Variants in IARS2 observed in about 807,000 individuals in gnomAD.
IARS2 encodes isoleucine--tRNA ligase, mitochondrial.
In IARS2, 56 loss-of-function variants were observed where a neutral mutation model predicts 126.3. The ratio of observed to expected loss-of-function variants is 0.44; its 90% CI spans 0.36 to 0.55. The LOEUF (loss-of-function observed/expected upper bound fraction) is 0.55. Among genes scored for constraint, IARS2 ranks in the 20% least tolerant of loss-of-function variants. The pLI is 0.00. For synonymous variants in IARS2, 407 were observed against 441.1 expected, an observed-to-expected ratio of 0.92 and a Z score of 0.97; for missense variants, 1,127 against 1,245.9, an observed-to-expected ratio of 0.90 and a Z score of 1.44.
rs750583631 is a variant in IARS2 at position 220,112,555 on chromosome 1, C to CT, written c.1479+1639dup. On this transcript the variant is annotated intron_variant, in intron 11 of 22. Transcript: ENST00000366922. ...AGCACATATATTTGAAAGATAAGCTCTTTTTTTTTTTTTTTTTTTTTGAAA... is the reference window on the plus strand; with the variant it reads ...AGCACATATATTTGAAAGATAAGCTCTTTTTTTTTTTTTTTTTTTTTTGAAA... 7.9e-3 allele frequency among the ~76,000 whole-genome samples: 916 copies of CT among 116,056 alleles called. 6 individuals are homozygous for CT. Among genetic ancestry groups the CT allele is most frequent in the East Asian group, 0.013 (53 of 4,076 alleles). The allele number at this position is 116,056 out of a possible 152,430, so 76.1% of individuals were successfully genotyped here.
In IARS2 at chr1:220,125,937, T is replaced by G. The variant is rs182789397; in HGVS notation, c.1743+598T>G. 3.5e-3 allele frequency among the ~76,000 whole-genome samples: 529 copies of G among 150,118 alleles called. 5 individuals are homozygous for G. The highest frequency in any genetic ancestry group is 0.012 in the African/African-American group (491 of 40,682). On this transcript the variant is annotated intron_variant, in intron 13 of 22. Transcript: ENST00000366922. ...CTGGCTAATACAGTGAAACCCTGCC[T>G]CTACTAAAAATACAAAAAAATTAGC...
At chr1:220,124,115 T>C (rs745629422) in intron 12 of IARS2, among the ~76,000 whole-genome samples, 11 of 152,218 alleles carry the variant, frequency 7.2e-5, no homozygotes, top group Non-Finnish European at 1.5e-4. Context: ...ATCCATGCTC[T>C]TGGCCATTAT....
intron 13 of IARS2, 33 bp from the exon 14 acceptor site, chr1:220,126,717 T>G (rs1367050226): frequency 6.7e-7 from 1 of 1,491,006 alleles, no homozygotes; most frequent in Non-Finnish European, 9.3e-7. Flanking sequence ...GTGATCTTTG[T>G]GTACCTGACA....
intron 10 of IARS2, among the ~76,000 whole-genome samples, chr1:220,107,957 G>C (rs1189335869): frequency 6.6e-6 from 1 of 152,164 alleles, no homozygotes; most frequent in African/African-American, 2.4e-5. Context: ...GATGTGCAGT[G>C]GCATGCTTTC....
In IARS2 at chr1:220,139,000, A is replaced by G. The variant is rs199738095; in HGVS notation, c.2176-8A>G. ...TTTTAACTGCATATTTTTTCTTCCT[A>G]TGAATAGCTTAGGAATACACTTCGC... On this transcript the variant is annotated splice_region_variant and splice_polypyrimidine_tract_variant and intron_variant, in intron 17 of 22. Transcript: ENST00000366922. 6.9e-6 allele frequency: 11 copies of G among 1,603,282 alleles called. No individual in the cohort carries two copies. The highest frequency in any genetic ancestry group is 4.5e-5 in the East Asian group (2 of 44,778).
At chr1:220,145,467 CA>C in intron 21 of IARS2, 41 bp from the exon 22 acceptor site, 1 of 1,555,458 alleles carries the variant, frequency 6.4e-7, no homozygotes, top group African/African-American at 1.4e-5. Context: ...GTTTATGGTA[CA>C]AATTTAACAT....
chr1:220,107,073 G>A lies in IARS2; in HGVS notation c.1249G>A (p.Asp417Asn). The change falls in exon 10 of 23, where the codon GAC (aspartate) becomes AAC (asparagine). Residue 417 changes from aspartate (D) to asparagine (N), a missense_variant. Coordinates refer to ENST00000366922, the MANE Select transcript of IARS2 (RefSeq NM_018060.4). ...TGATACTTTATAGGATTGTCTAGTG[G>A]ACGAAGATGGAGTTTTCACAGATGT... The part of the protein sequence containing the change: ...QHNLPMDCLV[D>N]EDGVFTDVAG... The A allele has an allele frequency of 6.2e-7, 1 of 1,609,484 alleles. No individual in the cohort carries two copies. The highest frequency in any genetic ancestry group is 8.5e-7 in the Non-Finnish European group (1 of 1,175,826).
chr1:220,103,539 T>A lies in IARS2; in HGVS notation c.1043T>A (p.Phe348Tyr). 6.2e-7 allele frequency: 1 copy of A among 1,609,992 alleles called. No individual in the cohort carries two copies. The highest frequency in any genetic ancestry group is 8.5e-7 in the Non-Finnish European group (1 of 1,176,344). ...ASVASTLETT[F>Y]ETISTLSGVD... ...GTTGCTTCTACTTTGGAAACAACAT[T>A]TGAGACTATTTCAACACTTTCAGGT... The change falls in exon 8 of 23, where the codon TTT (phenylalanine) becomes TAT (tyrosine). Residue 348 changes from phenylalanine (F) to tyrosine (Y), a missense_variant. Coordinates refer to ENST00000366922, the MANE Select transcript of IARS2 (RefSeq NM_018060.4).
At position 220,145,644 on chromosome 1, in the gene IARS2, A is replaced by C; in HGVS notation, c.2887A>C (p.Asn963His). The C allele has an allele frequency of 2.5e-6, 4 of 1,612,124 alleles. No individual in the cohort carries two copies. Among genetic ancestry groups the C allele is most frequent in the Non-Finnish European group, 3.4e-6 (4 of 1,178,766 alleles). Reference protein sequence around the residue: ...VIELKGKFLINLEGGDIREES... With the variant: ...VIELKGKFLIHLEGGDIREES... The stretch of plus-strand genomic sequence containing the variant: ...CGAGCTTAAAGGGAAATTCCTCATC[A>C]ACTTAGAAGGTAAGAAGGAGATGAA... The change falls in exon 22 of 23, where the codon AAC (asparagine) becomes CAC (histidine). Residue 963 changes from asparagine to histidine, a missense_variant. Physicochemically the swap from Asn to His is moderately conservative, Grantham distance 68. Coordinates refer to ENST00000366922, the MANE Select transcript of IARS2 (RefSeq NM_018060.4).
chr1:220,102,363 G>C lies in IARS2; in HGVS notation c.700G>C (p.Gly234Arg). 1 of 1,613,526 alleles carries C rather than the reference G, an allele frequency of 6.2e-7. No individual in the cohort carries two copies. Among genetic ancestry groups the C allele is most frequent in the East Asian group, 2.2e-5 (1 of 44,840 alleles). ...LRTFYQMYDK[G>R]LVYRSYKPVF... ...AACATCATATTTTTGTCTTTTATAGGGCTTGGTTTATCGATCTTACAAACC... is the reference window on the plus strand; with the variant it reads ...AACATCATATTTTTGTCTTTTATAGCGCTTGGTTTATCGATCTTACAAACC... Residue 234 changes from glycine to arginine, a missense_variant and splice_region_variant, in exon 5 of 23, where the codon GGC becomes CGC. Coordinates refer to ENST00000366922, the MANE Select transcript of IARS2 (RefSeq NM_018060.4).
At chr1:220,100,696 A>C (rs750027631) in intron 3 of IARS2, 47 bp downstream of exon 3, 1 of 1,453,988 alleles carries the variant, frequency 6.9e-7, no homozygotes, top group South Asian at 1.2e-5. Context: ...GTAAACACTC[A>C]GGTCCTTGAA....
At chr1:220,100,678 T>G in intron 3 of IARS2, 29 bp downstream of exon 3, 1 of 1,558,340 alleles carries the variant, frequency 6.4e-7, no homozygotes, top group Non-Finnish European at 8.8e-7. Context: ...TGTTTTAAAA[T>G]GATATTTGTA....
rs1472113954 is a variant in IARS2, at chr1:220,106,030, C to T, written c.1206C>T (p.Tyr402=). The change falls in exon 9 of 23, where the codon TAC becomes TAT. Residue 402 remains tyrosine, a synonymous_variant. Transcript: ENST00000366922. The part of the protein sequence containing the change: ...HTAPAHGMED[Y]GVASQHNLPM... ...CCCCAGCTCATGGTATGGAAGACTA[C>T]GGTGTAGCGTCTCAGCACAACCTGC... The T allele has an allele frequency of 7.4e-6, 12 of 1,613,876 alleles. No individual in the cohort carries two copies. Among genetic ancestry groups the T allele is most frequent in the Middle Eastern group, 3.3e-4 (2 of 6,084 alleles).
At chr1:220,143,819 G>C in intron 21 of IARS2, 1 of 478,310 alleles carries the variant, frequency 2.1e-6, no homozygotes, top group Non-Finnish European at 3.6e-6. Context: ...GATTTTTAGG[G>C]GTTGATTGGC....
intron 12 of IARS2, among the ~76,000 whole-genome samples, chr1:220,122,589 A>G (rs1657071582): frequency 6.6e-6 from 1 of 152,236 alleles, no homozygotes; most frequent in African/African-American, 2.4e-5. Flanking sequence ...GCTTAGCTTC[A>G]TAATTTAAGG....
chr1:220,094,926 C>G (rs552634373), intron 1 of IARS2, among the ~76,000 whole-genome samples: 19 of 152,024 alleles, frequency 1.2e-4, no homozygotes, highest in African/African-American at 4.6e-4. Context: ...TCGCTTGAGC[C>G]AAGAGTTCGA....
intron 14 of IARS2, among the ~76,000 whole-genome samples, chr1:220,127,805 A>G (rs1657183781): frequency 6.6e-6 from 1 of 152,202 alleles, no homozygotes; most frequent in African/African-American, 2.4e-5. Context: ...ATTCATGTTT[A>G]CTCTCTATTA....
chr1:220,099,211 CAAA>C (rs1184799314), intron 2 of IARS2, among the ~76,000 whole-genome samples: 2 of 49,260 alleles, frequency 4.1e-5, no homozygotes, highest in Non-Finnish European at 8.5e-5. Context: ...GACTCCGTCT[CAAA>C]AAAAAAAAAA....
In IARS2 at chr1:220,133,825, A is replaced by G. The variant is rs77037434; in HGVS notation, c.1838-577A>G. 3.9e-3 allele frequency among the ~76,000 whole-genome samples: 599 copies of G among 152,262 alleles called. 34 individuals are homozygous for G. In the East Asian group the frequency reaches 0.1, roughly 26 times the overall value. Reference sequence around the variant, plus strand: ...ATCTTTTATCTCAATATTTTAGTATATATTTCCCCAAAACATGGATAGTCT... The same window carrying G: ...ATCTTTTATCTCAATATTTTAGTATGTATTTCCCCAAAACATGGATAGTCT... On this transcript the variant is annotated intron_variant, in intron 14 of 22. Coordinates refer to ENST00000366922, the MANE Select transcript of IARS2 (RefSeq NM_018060.4).
Sources: allele counts gnomAD v4.1 joint callset (sites outside exome capture counted in the v4.1 genomes callset), GRCh38; gene constraint gnomAD v4.1.1; transcripts MANE v1.5; gene names NCBI Gene and HGNC (gene_info 2026-07-23, HGNC 2026-07-21).